PRDM11: variants seen among roughly 807,000 people sequenced by gnomAD.
PRDM11 encodes the protein PR domain-containing protein 11.
PRDM11 carries 20 observed loss-of-function variants against 97.8 expected under a neutral mutation model. The observed-to-expected ratio is 0.20, with a 90% CI of 0.14 to 0.30. The LOEUF (loss-of-function observed/expected upper bound fraction) is 0.30. PRDM11 is among the 10% of genes least tolerant of loss of function. The pLI is 1.00. For missense variants in PRDM11, 1,139 were observed against 1,555.2 expected (o/e 0.73, Z 4.50); for synonymous variants, 599 against 637.7 (o/e 0.94, Z 0.91).
At chr11:45,187,576 C>T (rs527864226) in intron 4 of PRDM11, among the ~76,000 whole-genome samples, 25 of 152,268 alleles carry the variant, frequency 1.6e-4, no homozygotes, top group South Asian at 1.0e-3. Context: ...GGCCCCAGTT[C>T]AGGAGGTGGG....
chr11:45,172,198 G>C (rs1321221278), intron 1 of PRDM11, among the ~76,000 whole-genome samples: 8 of 152,246 alleles, frequency 5.3e-5, no homozygotes, highest in African/African-American at 1.9e-4. Flanking sequence ...GCAAGGTGTA[G>C]AGGAAGGGAC....
chr11:45,109,139 C>T (rs1022849029), intron 1 of PRDM11, among the ~76,000 whole-genome samples: 2 of 152,192 alleles, frequency 1.3e-5, no homozygotes, highest in South Asian at 2.1e-4. Context: ...GACTTTTCAC[C>T]TCTGACCTGT....
chr11:45,193,347 A>T (rs1324549159), intron 4 of PRDM11, among the ~76,000 whole-genome samples: 1 of 152,192 alleles, frequency 6.6e-6, no homozygotes, highest in Non-Finnish European at 1.5e-5. Context: ...GGCTCATAGC[A>T]AGTAGTCATA....
chr11:45,145,933 C>A (rs537604499), upstream of PRDM11, among the ~76,000 whole-genome samples: 8 of 152,316 alleles, frequency 5.3e-5, 1 homozygote, highest in Middle Eastern at 3.4e-3. Context: ...GATGGAGAAA[C>A]TGAGGAATCG....
intron 1 of PRDM11, among the ~76,000 whole-genome samples, chr11:45,099,788 C>T (rs535411948): frequency 5.3e-5 from 8 of 152,324 alleles, no homozygotes; most frequent in African/African-American, 1.9e-4. Flanking sequence ...CCCTGTTGTG[C>T]TATCAAATAG....
chr11:45,134,119 A>G (rs961183659), intron 1 of PRDM11, among the ~76,000 whole-genome samples: 1 of 152,218 alleles, frequency 6.6e-6, no homozygotes, highest in African/African-American at 2.4e-5. Context: ...TCAGCTACCA[A>G]TGGTGATTAG....
In PRDM11 at chr11:45,213,278, T is replaced by A. The variant is rs1167112556; in HGVS notation, c.555-6292T>A. The A allele has an allele frequency of 1.1e-5, 5 of 456,558 alleles. No individual in the cohort carries two copies. The East Asian group carries it at 2.1e-4, about 19-fold the overall frequency. 28.3% of individuals were successfully genotyped at this position (456,558 alleles called of 1,614,324 possible). A position where few individuals can be genotyped will look rare whatever the true frequency, so the allele number is the denominator to read the frequency against. The stretch of plus-strand genomic sequence containing the variant: ...GATGCAAGAAAAGCCACCTGCTTGA[T>A]GCTTGCTTGGCCTGGAGATCGTTCT... On this transcript the variant is annotated intron_variant, in intron 5 of 7. Coordinates refer to ENST00000683152, the MANE Select transcript of PRDM11 (RefSeq NM_001384648.1).
At chr11:45,135,882 C>T (rs373566815) in intron 1 of PRDM11, among the ~76,000 whole-genome samples, 2 of 152,166 alleles carry the variant, frequency 1.3e-5, no homozygotes, top group Non-Finnish European at 2.9e-5. Context: ...CTGCCCAGGA[C>T]GCCTCAAAAA....
chr11:45,206,604 G>A (rs529586659), intron 5 of PRDM11, among the ~76,000 whole-genome samples: 54 of 152,172 alleles, frequency 3.5e-4, no homozygotes, highest in African/African-American at 6.8e-4. Flanking sequence ...TTTCCCCCTG[G>A]GGACAAGGCC....
chr11:45,220,898 G>GT (rs748207230), intron 6 of PRDM11, among the ~76,000 whole-genome samples: 420 of 151,788 alleles, frequency 2.8e-3, no homozygotes, highest in African/African-American at 7.5e-3. Flanking sequence ...TTTCAAGGGT[G>GT]TTTTTTTTGT....
chr11:45,104,765 T>C (rs1242966239), intron 1 of PRDM11, among the ~76,000 whole-genome samples: 1 of 152,104 alleles, frequency 6.6e-6, no homozygotes, highest in East Asian at 1.9e-4. Context: ...GTGGGGCACT[T>C]TAGAAAAGCA....
chr11:45,191,123 G>A (rs1454455809), intron 4 of PRDM11, among the ~76,000 whole-genome samples: 2 of 152,032 alleles, frequency 1.3e-5, no homozygotes, highest in Non-Finnish European at 1.5e-5. Flanking sequence ...AGTCTCCCCT[G>A]TATTGTTTTT....
chr11:45,155,434 CAG>C (rs1321160007), intron 1 of PRDM11, among the ~76,000 whole-genome samples: 1 of 152,126 alleles, frequency 6.6e-6, no homozygotes, highest in Non-Finnish European at 1.5e-5. Context: ...GCCCAAGGTA[CAG>C]AGAGGGCGGG....
chr11:45,167,323 CTA>C (rs1482089597), intron 1 of PRDM11, among the ~76,000 whole-genome samples: 1 of 152,160 alleles, frequency 6.6e-6, no homozygotes, highest in Non-Finnish European at 1.5e-5. Context: ...CACATACACA[CTA>C]TCACAATCAT....
At chr11:45,115,165 G>A (rs1852274469) in intron 1 of PRDM11, among the ~76,000 whole-genome samples, 3 of 148,064 alleles carry the variant, frequency 2.0e-5, no homozygotes, top group Admixed American at 1.4e-4. Context: ...GTGTGTGTAT[G>A]TCTATATATA....
intron 1 of PRDM11, among the ~76,000 whole-genome samples, chr11:45,112,341 T>C (rs940678638): frequency 2.0e-5 from 3 of 152,266 alleles, no homozygotes; most frequent in African/African-American, 4.8e-5. Flanking sequence ...CACTGGTTGG[T>C]TGATGGGCAC....
At chr11:45,207,415 C>G (rs554949796) in intron 5 of PRDM11, among the ~76,000 whole-genome samples, 1 of 151,414 alleles carries the variant, frequency 6.6e-6, no homozygotes, top group Non-Finnish European at 1.5e-5. Context: ...CAACCGAGCA[C>G]TATTTTGTGC....
intron 4 of PRDM11, among the ~76,000 whole-genome samples, 194 bp from the exon 5 acceptor site, chr11:45,204,517 A>C (rs1853437813): frequency 1.3e-5 from 2 of 152,088 alleles, no homozygotes; most frequent in Non-Finnish European, 2.9e-5. Context: ...CTCTAGAAGA[A>C]TGGGAATGGG....
chr11:45,126,572 A>G (rs1852578700), intron 1 of PRDM11, among the ~76,000 whole-genome samples: 1 of 151,920 alleles, frequency 6.6e-6, no homozygotes. Flanking sequence ...TCTGTAAAGT[A>G]TTTTATTTCT....
Sources: allele counts gnomAD v4.1 joint callset (sites outside exome capture counted in the v4.1 genomes callset), GRCh38; gene constraint gnomAD v4.1.1; transcripts MANE v1.5; gene names NCBI Gene and HGNC (gene_info 2026-07-23, HGNC 2026-07-21).